The following AGBL4 variants were observed in gnomAD, a reference collection of about 807,000 sequenced individuals.
AGBL4 encodes cytosolic carboxypeptidase 6.
Under a neutral mutation model 66.4 loss-of-function variants are expected in AGBL4, and 58 were observed. The observed-to-expected ratio is 0.87, with a 90% CI of 0.71 to 1.09. The LOEUF is 1.09. Among genes scored for constraint, AGBL4 ranks in the 50% least tolerant of loss-of-function variants. The pLI is 0.00. For missense variants in AGBL4, 579 were observed against 631.0 expected (o/e 0.92, Z 0.88); for synonymous variants, 234 against 222.9 (o/e 1.05, Z -0.44).
At chr1:49,602,342 G>A (rs1451932628) in intron 3 of AGBL4, among the ~76,000 whole-genome samples, 1 of 152,050 alleles carries the variant, frequency 6.6e-6, no homozygotes, top group East Asian at 1.9e-4. Context: ...TCACATCACT[G>A]GGTATATACC....
At chr1:48,683,872 A>G (rs1258554432) in intron 6 of AGBL4, among the ~76,000 whole-genome samples, 1 of 152,228 alleles carries the variant, frequency 6.6e-6, no homozygotes. Context: ...GCTAGACTGG[A>G]GAATGAATGA....
intron 4 of AGBL4, among the ~76,000 whole-genome samples, chr1:49,130,446 G>A (rs941517735): frequency 6.6e-6 from 1 of 152,114 alleles, no homozygotes; most frequent in Admixed American, 6.6e-5. Context: ...TATGGTTTTA[G>A]GTCTAACGTT....
At chr1:48,563,312 C>T (rs576861261) in intron 11 of AGBL4, among the ~76,000 whole-genome samples, 95 of 152,328 alleles carry the variant, frequency 6.2e-4, no homozygotes, top group African/African-American at 1.9e-3. Context: ...GCCAAGGCAA[C>T]CCATCTCTTG....
intron 3 of AGBL4, among the ~76,000 whole-genome samples, chr1:49,258,998 T>C (rs572456847): frequency 6.6e-6 from 1 of 152,248 alleles, no homozygotes; most frequent in African/African-American, 2.4e-5. Context: ...TGGGGGCCAA[T>C]ATTCAACATT....
chr1:48,625,153 C>T (rs1645483016), intron 9 of AGBL4, among the ~76,000 whole-genome samples: 1 of 150,054 alleles, frequency 6.7e-6, no homozygotes, highest in African/African-American at 2.5e-5. Context: ...TTCTCTTTCT[C>T]TCTCACTCTC....
chr1:49,117,048 G>A lies in AGBL4; in HGVS notation c.378-71248C>T, dbSNP rs1048096600. On this transcript the variant is annotated intron_variant, in intron 4 of 13. Transcript: ENST00000371839. ...TGAGAAGTGTCTGTTCATATCCTTT[G>A]CCCACTTTTTGATGGGGTTTTTTTT... is the stretch of plus-strand genomic sequence containing the variant. Among the ~76,000 whole-genome samples the A allele has an allele frequency of 5.9e-4, 90 of 151,274 alleles. 1 individual carries two copies. Among genetic ancestry groups the A allele is most frequent in the Admixed American group, 1.4e-3 (21 of 15,196 alleles).
At chr1:48,811,746 G>A (rs1262123604) in intron 6 of AGBL4, among the ~76,000 whole-genome samples, 1 of 152,106 alleles carries the variant, frequency 6.6e-6, no homozygotes, top group Non-Finnish European at 1.5e-5. Context: ...CTACTAGAGT[G>A]GCTTTTGGGT....
chr1:49,603,095 C>T (rs942807301), intron 3 of AGBL4, among the ~76,000 whole-genome samples: 1 of 151,980 alleles, frequency 6.6e-6, no homozygotes, highest in African/African-American at 2.4e-5. Context: ...AGCCAATATT[C>T]GACTCCAGCT....
rs187204170 is a variant in AGBL4, at chr1:49,808,933, T to C, written c.157+42463A>G. Among the ~76,000 whole-genome samples, 173 of 152,272 alleles carry C rather than the reference T, an allele frequency of 1.1e-3. 1 individual carries two copies. Among genetic ancestry groups the C allele is most frequent in the Non-Finnish European group, 9.6e-4 (65 of 68,002 alleles). ...AGCTTCTGAAAAAAACATGCAGCGA[T>C]AATATATGGTTTGCTCCCTATTTGC... On this transcript the variant is annotated intron_variant, in intron 2 of 13. Transcript: ENST00000371839.
chr1:49,719,416 T>C (rs1189002663), intron 2 of AGBL4, among the ~76,000 whole-genome samples: 1 of 152,120 alleles, frequency 6.6e-6, no homozygotes, highest in Non-Finnish European at 1.5e-5. Flanking sequence ...TACCAAATGG[T>C]GCCTGCCTCC....
chr1:49,132,327 A>G (rs1645916292), intron 4 of AGBL4, among the ~76,000 whole-genome samples: 1 of 151,976 alleles, frequency 6.6e-6, no homozygotes. Context: ...AGAAAATAAG[A>G]AAAGGAGCAT....
At chr1:49,880,625 C>G (rs546329823) in intron 1 of AGBL4, among the ~76,000 whole-genome samples, 17 of 152,206 alleles carry the variant, frequency 1.1e-4, no homozygotes, top group African/African-American at 4.1e-4. Flanking sequence ...TTGTCTGTGC[C>G]CTGCCCCCAG....
chr1:49,213,054 T>G (rs1648797557), intron 4 of AGBL4, among the ~76,000 whole-genome samples: 1 of 152,186 alleles, frequency 6.6e-6, no homozygotes, highest in African/African-American at 2.4e-5. Flanking sequence ...AAACAATATT[T>G]ACTATATACT....
At chr1:48,858,115 T>C (rs2883741) in intron 6 of AGBL4, among the ~76,000 whole-genome samples, 130,026 of 152,146 alleles carry the variant, frequency 0.85, 57,010 homozygotes, top group Non-Finnish European at 0.96. Context: ...AAATGCAAAT[T>C]AAAGCCACAA....
chr1:48,577,520 A>T (rs1365933369), intron 11 of AGBL4, among the ~76,000 whole-genome samples: 1 of 152,184 alleles, frequency 6.6e-6, no homozygotes, highest in Non-Finnish European at 1.5e-5. Context: ...CAGCAGATAA[A>T]ACCCTTAGAA....
In AGBL4 at chr1:48,663,183, T is replaced by C. The variant is rs1177629392; in HGVS notation, c.693A>G (p.Pro231=). The C allele has an allele frequency of 1.2e-6, 2 of 1,613,980 alleles. No homozygotes were observed. The highest frequency in any genetic ancestry group is 1.7e-6 in the Non-Finnish European group (2 of 1,179,870). Residue 231 remains proline, a synonymous_variant, in exon 7 of 14, where the codon CCA becomes CCG. Coordinates refer to ENST00000371839, the MANE Select transcript of AGBL4 (RefSeq NM_032785.4). Reference sequence around the variant, plus strand: ...ACACAAATGATGAGGGTGTTTCCCCTGGGTGGACTCGTCCTGTGATGAATA... The same window carrying C: ...ACACAAATGATGAGGGTGTTTCCCCCGGGTGGACTCGTCCTGTGATGAATA... ...KVVFITGRVH[P]GETPSSFVCQ...
intron 5 of AGBL4, among the ~76,000 whole-genome samples, chr1:48,886,621 C>G (rs549323361): frequency 6.6e-6 from 1 of 152,188 alleles, no homozygotes; most frequent in South Asian, 2.1e-4. Flanking sequence ...GGCGCTATCT[C>G]CACTCACTGC....
At chr1:49,063,623 A>G (rs1206877883) in intron 4 of AGBL4, among the ~76,000 whole-genome samples, 1 of 152,258 alleles carries the variant, frequency 6.6e-6, no homozygotes. Flanking sequence ...GAGAACAAAT[A>G]TACAAACATA....
intron 6 of AGBL4, among the ~76,000 whole-genome samples, chr1:48,801,851 C>T (rs1280006722): frequency 1.3e-5 from 2 of 151,690 alleles, no homozygotes; most frequent in Admixed American, 6.6e-5. Context: ...GGGAGCTGCA[C>T]GTTTGTTAGT....
Sources: gnomAD v4.1 joint callset for allele counts (sites outside exome capture counted in the v4.1 genomes callset) on GRCh38, gnomAD v4.1.1 for gene constraint, MANE v1.5 for transcripts, NCBI Gene and HGNC (gene_info 2026-07-23, HGNC 2026-07-21) for gene names.